Variants in LYPD6 observed in about 807,000 individuals in gnomAD.
The protein encoded by LYPD6 is LY6/PLAUR domain containing 6.
LYPD6 carries 15 observed loss-of-function variants against 22.7 expected under a neutral mutation model. That is an observed-to-expected ratio of 0.66 (90% CI 0.44 to 1.02). LYPD6 has a LOEUF of 1.02. Among genes scored for constraint, LYPD6 ranks in the 50% least tolerant of loss-of-function variants. LYPD6 has a pLI of 0.00. For synonymous variants in LYPD6, 72 were observed against 77.5 expected (o/e 0.93, Z 0.37); for missense variants, 189 against 208.4 (o/e 0.91, Z 0.57).
At chr2:149,404,016 C>A (rs1247371473) in intron 1 of LYPD6, among the ~76,000 whole-genome samples, 1 of 152,030 alleles carries the variant, frequency 6.6e-6, no homozygotes, top group East Asian at 1.9e-4. Flanking sequence ...TTATTTTTCC[C>A]AGGTTTGTCA....
At chr2:149,455,504 C>T (rs565533808) in intron 3 of LYPD6, among the ~76,000 whole-genome samples, 7 of 152,214 alleles carry the variant, frequency 4.6e-5, no homozygotes, top group Admixed American at 1.3e-4. Context: ...GTGATCCACC[C>T]ACCTCGGCCT....
chr2:149,369,643 GA>G lies in LYPD6; in HGVS notation c.-72+38922del, dbSNP rs1418747530. On this transcript the variant is annotated intron_variant, in intron 1 of 4. Transcript: ENST00000334166. ...CGTATCTACCATGGGCAGCTGAAAT[GA>G]TAGGAAGACAGTGGCAGGAAGAGGG... Among the ~76,000 whole-genome samples, 3 of 152,132 alleles carry G rather than the reference GA, an allele frequency of 2.0e-5. No individual in the cohort carries two copies. In the East Asian group the frequency reaches 5.8e-4, roughly 29 times the overall value.
intron 1 of LYPD6, among the ~76,000 whole-genome samples, chr2:149,353,495 C>G (rs1051378553): frequency 1.3e-5 from 2 of 152,290 alleles, no homozygotes; most frequent in African/African-American, 2.4e-5. Context: ...GGTAGCTCTT[C>G]TTGCAGTTAA....
chr2:149,393,535 G>A (rs1397862573), intron 1 of LYPD6, among the ~76,000 whole-genome samples: 4 of 152,222 alleles, frequency 2.6e-5, no homozygotes, highest in Non-Finnish European at 5.9e-5. Flanking sequence ...GGCCCACTGA[G>A]TTAGGGGGCA....
chr2:149,358,270 G>C (rs908763843), intron 1 of LYPD6, among the ~76,000 whole-genome samples: 4 of 152,042 alleles, frequency 2.6e-5, no homozygotes, highest in African/African-American at 7.2e-5. Context: ...CATTCACTCA[G>C]TCAGCAAACA....
At chr2:149,398,899 A>C (rs181941672) in intron 1 of LYPD6, among the ~76,000 whole-genome samples, 14 of 152,364 alleles carry the variant, frequency 9.2e-5, no homozygotes, top group Middle Eastern at 3.4e-3. Flanking sequence ...GAGTAGTTTA[A>C]AAATGAGACA....
At chr2:149,352,521 G>A (rs780029012) in intron 1 of LYPD6, among the ~76,000 whole-genome samples, 2 of 152,144 alleles carry the variant, frequency 1.3e-5, no homozygotes, top group Non-Finnish European at 2.9e-5. Flanking sequence ...CCCCTTCATC[G>A]GAGGTGTTCA....
At chr2:149,342,734 C>T (rs1226100929) in intron 1 of LYPD6, among the ~76,000 whole-genome samples, 1 of 152,114 alleles carries the variant, frequency 6.6e-6, no homozygotes, top group Non-Finnish European at 1.5e-5. Context: ...TGTTCATTCC[C>T]ATAGATTAGA....
chr2:149,407,905 G>A (rs923745051), intron 1 of LYPD6, among the ~76,000 whole-genome samples: 5 of 152,112 alleles, frequency 3.3e-5, no homozygotes, highest in South Asian at 2.1e-4. Context: ...GTACAGATGG[G>A]TTTTTGGTGT....
At chr2:149,375,062 T>C (rs1312710326) in intron 1 of LYPD6, among the ~76,000 whole-genome samples, 1 of 152,152 alleles carries the variant, frequency 6.6e-6, no homozygotes, top group African/African-American at 2.4e-5. Flanking sequence ...GGGTTGTCCA[T>C]GATTCATCAG....
chr2:149,391,916 A>G (rs1328482584), intron 1 of LYPD6, among the ~76,000 whole-genome samples: 2 of 152,234 alleles, frequency 1.3e-5, no homozygotes, highest in Non-Finnish European at 2.9e-5. Flanking sequence ...AAGCCATAGA[A>G]GTCGGTGCCT....
At chr2:149,443,612 C>T (rs1415310449) in intron 2 of LYPD6, among the ~76,000 whole-genome samples, 2 of 151,974 alleles carry the variant, frequency 1.3e-5, no homozygotes, top group African/African-American at 4.8e-5. Context: ...GATAGGGAAA[C>T]TATTTTTTAA....
At chr2:149,345,023 C>T (rs1013112608) in intron 1 of LYPD6, among the ~76,000 whole-genome samples, 2 of 151,916 alleles carry the variant, frequency 1.3e-5, no homozygotes, top group African/African-American at 2.4e-5. Flanking sequence ...ATAGTCATTG[C>T]ATTCTAGCCT....
intron 1 of LYPD6, among the ~76,000 whole-genome samples, chr2:149,411,775 A>C (rs1682853658): frequency 6.6e-6 from 1 of 152,190 alleles, no homozygotes; most frequent in South Asian, 2.1e-4. Context: ...GAAAAGTTTA[A>C]AACCTCCCTC....
intron 1 of LYPD6, among the ~76,000 whole-genome samples, chr2:149,419,021 C>T (rs907427658): frequency 6.6e-6 from 1 of 152,214 alleles, no homozygotes; most frequent in Non-Finnish European, 1.5e-5. Context: ...TCTTCCTTAG[C>T]TTACTCATCT....
intron 2 of LYPD6, chr2:149,440,064 A>C (rs1218765558): frequency 6.5e-6 from 1 of 152,870 alleles, no homozygotes; most frequent in Non-Finnish European, 1.5e-5. Context: ...AATAATGTCT[A>C]CCATTCTAAC....
chr2:149,463,079 G>A (rs1681122479), intron 3 of LYPD6, among the ~76,000 whole-genome samples: 1 of 151,954 alleles, frequency 6.6e-6, no homozygotes, highest in South Asian at 2.1e-4. Context: ...CCCGGCACAA[G>A]ACCCTGTTAA....
chr2:149,407,658 C>T (rs1399574173), intron 1 of LYPD6, among the ~76,000 whole-genome samples: 5 of 152,154 alleles, frequency 3.3e-5, no homozygotes, highest in African/African-American at 7.2e-5. Flanking sequence ...AACTTTTCAA[C>T]TTCTTTGCCT....
chr2:149,431,626 A>G (rs934473098), intron 1 of LYPD6, among the ~76,000 whole-genome samples: 3 of 152,172 alleles, frequency 2.0e-5, no homozygotes, highest in Admixed American at 6.5e-5. Context: ...TTTCTCATGG[A>G]AAAGAGAGGT....
Sources: gnomAD v4.1 joint callset for allele counts (sites outside exome capture counted in the v4.1 genomes callset) on GRCh38, gnomAD v4.1.1 for gene constraint, MANE v1.5 for transcripts, NCBI Gene and HGNC (gene_info 2026-07-23, HGNC 2026-07-21) for gene names.